The following CNTNAP5 variants were observed in gnomAD, a reference collection of about 807,000 sequenced individuals.
CNTNAP5 encodes contactin associated protein family member 5.
A neutral mutation model predicts 150.2 loss-of-function variants in CNTNAP5; 72 were observed. The observed-to-expected ratio is 0.48, with a 90% confidence interval of 0.40 to 0.58. The LOEUF (loss-of-function observed/expected upper bound fraction) is 0.58, where lower values mean the gene tolerates loss of function less well. Among genes scored for constraint, CNTNAP5 ranks in the 20% least tolerant of loss-of-function variants. The pLI is 0.00. For missense variants in CNTNAP5, 1,636 were observed against 1,626.2 expected (o/e 1.01, Z -0.10); for synonymous variants, 672 against 619.8 (o/e 1.08, Z -1.25).
intron 10 of CNTNAP5, among the ~76,000 whole-genome samples, chr2:124,546,741 C>A (rs1016597293): frequency 2.6e-5 from 4 of 152,172 alleles, no homozygotes; most frequent in African/African-American, 9.7e-5. Flanking sequence ...TCTTCTGCCT[C>A]TTTTTCCTTC....
At chr2:124,578,161 A>C in intron 11 of CNTNAP5, among the ~76,000 whole-genome samples, 1 of 143,734 alleles carries the variant, frequency 7.0e-6, no homozygotes, top group African/African-American at 2.7e-5. Flanking sequence ...AAATACAAAA[A>C]AAAAAAAAAA....
intron 9 of CNTNAP5, 75 bp downstream of exon 9, chr2:124,524,527 G>C (rs1558939363): frequency 7.0e-7 from 1 of 1,422,648 alleles, no homozygotes; most frequent in East Asian, 2.5e-5. Context: ...TCACTATGAT[G>C]GTTCTGGTTT....
intron 7 of CNTNAP5, among the ~76,000 whole-genome samples, chr2:124,477,404 C>T (rs1199067656): frequency 6.6e-6 from 1 of 152,044 alleles, no homozygotes; most frequent in Non-Finnish European, 1.5e-5. Context: ...AGAGGATGCT[C>T]ATGGGGAATC....
chr2:124,864,048 C>A (rs983318988), intron 19 of CNTNAP5, among the ~76,000 whole-genome samples: 34 of 152,096 alleles, frequency 2.2e-4, no homozygotes, highest in African/African-American at 8.2e-4. Context: ...AAAAGGACAG[C>A]AAGCAGCATG....
chr2:124,532,218 C>T (rs1401524415), intron 10 of CNTNAP5, among the ~76,000 whole-genome samples: 1 of 152,146 alleles, frequency 6.6e-6, no homozygotes, highest in Non-Finnish European at 1.5e-5. Flanking sequence ...TTGCATTCCT[C>T]ACATAAAAGT....
At chr2:124,053,123 A>T (rs866141326) in intron 1 of CNTNAP5, among the ~76,000 whole-genome samples, 1 of 151,900 alleles carries the variant, frequency 6.6e-6, no homozygotes, top group African/African-American at 2.4e-5. Flanking sequence ...CAAATGCCCA[A>T]TAAATGTTTG....
intron 12 of CNTNAP5, among the ~76,000 whole-genome samples, chr2:124,632,932 A>G (rs927775441): frequency 4.0e-4 from 61 of 152,016 alleles, no homozygotes; most frequent in South Asian, 2.1e-4. Context: ...AGTGCTATAC[A>G]CTTTTAAACA....
intron 13 of CNTNAP5, among the ~76,000 whole-genome samples, chr2:124,731,469 G>C (rs139087170): frequency 4.3e-4 from 66 of 151,992 alleles, no homozygotes; most frequent in Middle Eastern, 3.4e-3. Context: ...GTTTAAAAAG[G>C]TTGCCTTTCA....
At chr2:124,774,263 A>G (rs1205898059) in intron 17 of CNTNAP5, among the ~76,000 whole-genome samples, 1 of 151,964 alleles carries the variant, frequency 6.6e-6, no homozygotes, top group East Asian at 1.9e-4. Context: ...GCTAGTGATG[A>G]AATGCCACCA....
chr2:124,772,925 C>A lies in CNTNAP5; in HGVS notation c.2660C>A (p.Thr887Asn), dbSNP rs1333066632. The A allele has an allele frequency of 1.9e-6, 3 of 1,613,756 alleles. No homozygotes were observed. Among genetic ancestry groups the A allele is most frequent in the South Asian group, 1.1e-5 (1 of 91,078 alleles). Reference protein sequence around the residue: ...YVRAERNLKETSLQVDNLPRS... With the variant: ...YVRAERNLKENSLQVDNLPRS... ...CGGGCTGAGAGGAACCTCAAGGAGA[C>A]CTCCCTGCAGGTGGACAACCTTCCA... The change falls in exon 17 of 24, where the codon ACC becomes AAC. Residue 887 changes from threonine (T) to asparagine (N), a missense_variant. Thr to Asn is a moderately conservative substitution (Grantham distance 65). Transcript: ENST00000682447.
intron 13 of CNTNAP5, among the ~76,000 whole-genome samples, chr2:124,701,943 G>T (rs1334536927): frequency 1.3e-5 from 2 of 151,612 alleles, no homozygotes; most frequent in Non-Finnish European, 2.9e-5. Context: ...ACATTTTACT[G>T]GAAAATTTTC....
At chr2:124,815,518 C>A (rs1682342740) in intron 19 of CNTNAP5, among the ~76,000 whole-genome samples, 2 of 152,118 alleles carry the variant, frequency 1.3e-5, no homozygotes. Flanking sequence ...TTCCCCAGAG[C>A]GGCCGAGCTT....
intron 3 of CNTNAP5, among the ~76,000 whole-genome samples, chr2:124,243,997 G>A (rs994129868): frequency 5.3e-5 from 8 of 152,096 alleles, no homozygotes; most frequent in African/African-American, 9.7e-5. Context: ...GGGACAAATC[G>A]ATGTGGGATT....
At position 124,856,583 on chromosome 2, in the gene CNTNAP5, T is replaced by A. The variant is rs577700076; in HGVS notation, c.3218-8723T>A. ...GTTGTTTTAACTTGCATTTCCCTGATCATGAGTGATGTTGAGCATTTTATT... is the reference window on the plus strand; with the variant it reads ...GTTGTTTTAACTTGCATTTCCCTGAACATGAGTGATGTTGAGCATTTTATT... On this transcript the variant is annotated intron_variant, in intron 19 of 23. Transcript: ENST00000682447. Among the ~76,000 whole-genome samples the A allele has an allele frequency of 2.0e-5, 3 of 152,318 alleles. No homozygotes were observed. The East Asian group carries it at 5.8e-4, about 29-fold the overall frequency.
At chr2:124,636,419 G>C (rs546812280) in intron 12 of CNTNAP5, among the ~76,000 whole-genome samples, 16 of 152,122 alleles carry the variant, frequency 1.1e-4, no homozygotes, top group Non-Finnish European at 1.6e-4. Context: ...TGTTTCTGGG[G>C]ACATGGTGAT....
chr2:124,575,134 G>A lies in CNTNAP5; in HGVS notation c.1756+11811G>A, dbSNP rs1279541604. 2.0e-5 allele frequency among the ~76,000 whole-genome samples: 3 copies of A among 152,292 alleles called. No homozygotes were observed. In the East Asian group the frequency reaches 5.8e-4, roughly 29 times the overall value. The stretch of plus-strand genomic sequence containing the variant: ...GCTTTAATGTACAGAGGAAAGTCAT[G>A]AGATGTACAATGGTTTAATATGGAG... On this transcript the variant is annotated intron_variant, in intron 11 of 23. Transcript: ENST00000682447.
intron 11 of CNTNAP5, among the ~76,000 whole-genome samples, chr2:124,585,706 G>T (rs1696516013): frequency 1.6e-5 from 2 of 124,134 alleles, no homozygotes; most frequent in Non-Finnish European, 3.2e-5. Context: ...GTTAGCATGT[G>T]GAAGAGTAGT....
At chr2:124,740,884 G>A (rs1680483903) in intron 13 of CNTNAP5, among the ~76,000 whole-genome samples, 1 of 152,112 alleles carries the variant, frequency 6.6e-6, no homozygotes, top group Non-Finnish European at 1.5e-5. Context: ...AGCTCTGGAA[G>A]GGCAGGTGGA....
At chr2:124,729,631 A>G (rs1680228221) in intron 13 of CNTNAP5, among the ~76,000 whole-genome samples, 1 of 152,110 alleles carries the variant, frequency 6.6e-6, no homozygotes, top group African/African-American at 2.4e-5. Context: ...TCTTAGCAAT[A>G]CAAAAATAAT....
Sources: allele counts gnomAD v4.1 joint callset (sites outside exome capture counted in the v4.1 genomes callset), GRCh38; gene constraint gnomAD v4.1.1; transcripts MANE v1.5; gene names NCBI Gene and HGNC (gene_info 2026-07-23, HGNC 2026-07-21).